Variants in SUMF1 observed in about 807,000 individuals in gnomAD.
SUMF1 encodes the protein sulfatase modifying factor 1.
A neutral mutation model predicts 47.6 loss-of-function variants in SUMF1; 48 were observed. That is an observed-to-expected ratio of 1.01 (90% CI 0.80 to 1.28). The LOEUF (loss-of-function observed/expected upper bound fraction) is 1.28, where lower values mean the gene tolerates loss of function less well. SUMF1 is among the 50% of genes most tolerant of loss of function. SUMF1 has a pLI of 0.00. For synonymous variants in SUMF1, 230 were observed against 192.1 expected (o/e 1.20, Z -1.63); for missense variants, 571 against 485.4 (o/e 1.18, Z -1.66).
At chr3:4,179,993 G>C (rs1254778361) in intron 8 of SUMF1, among the ~76,000 whole-genome samples, 2 of 152,172 alleles carry the variant, frequency 1.3e-5, no homozygotes, top group African/African-American at 4.8e-5. Flanking sequence ...ACCACAATGA[G>C]ATACCATCTC....
intron 8 of SUMF1, among the ~76,000 whole-genome samples, chr3:4,228,077 G>A (rs2124979155): frequency 6.6e-6 from 1 of 152,102 alleles, no homozygotes; most frequent in Admixed American, 6.6e-5. Flanking sequence ...AAGCAGAAGG[G>A]GTGTGGTGGA....
intron 8 of SUMF1, chr3:4,313,784 A>G: frequency 6.2e-7 from 1 of 1,613,376 alleles, no homozygotes; most frequent in Non-Finnish European, 8.5e-7. Flanking sequence ...AGTGATAAGC[A>G]GCTTGCCCCT....
chr3:4,362,047 G>T lies in SUMF1; in HGVS notation c.*97C>A. On this transcript the variant is annotated 3_prime_UTR_variant, in exon 9 of 9. Transcript: ENST00000272902. ...GCAGGTATGTAACCCACCTCAGGGT[G>T]GGAATTCTTTGCATGGGATCGTTCA... is the stretch of plus-strand genomic sequence containing the variant. 1 of 1,225,990 alleles carries T rather than the reference G, an allele frequency of 8.2e-7. No individual in the cohort carries two copies. Among genetic ancestry groups the T allele is most frequent in the East Asian group, 2.4e-5 (1 of 41,206 alleles). The allele number at this position is 1,225,990 out of a possible 1,614,324, so 75.9% of individuals were successfully genotyped here.
At chr3:4,367,977 T>C (rs1229228459) in intron 8 of SUMF1, among the ~76,000 whole-genome samples, 3 of 151,926 alleles carry the variant, frequency 2.0e-5, no homozygotes. Context: ...AAAGCCAAAA[T>C]TGACAAATGG....
chr3:4,407,677 C>G (rs755206326), intron 7 of SUMF1, among the ~76,000 whole-genome samples: 41 of 152,166 alleles, frequency 2.7e-4, no homozygotes, highest in Admixed American at 2.0e-3. Flanking sequence ...TAGGACTTAA[C>G]CAGACCAGAT....
chr3:4,135,626 G>A (rs892244696), intron 8 of SUMF1, among the ~76,000 whole-genome samples: 2 of 152,128 alleles, frequency 1.3e-5, no homozygotes, highest in Admixed American at 6.5e-5. Context: ...TCTGGCCAGG[G>A]CCATCAGGCA....
intron 7 of SUMF1, among the ~76,000 whole-genome samples, chr3:4,408,471 A>C (rs549853450): frequency 6.6e-6 from 1 of 152,304 alleles, no homozygotes; most frequent in East Asian, 1.9e-4. Context: ...GAAAAAAAAG[A>C]TGTGGCTAGA....
intron 3 of SUMF1, 73 bp from the exon 4 acceptor site, chr3:4,420,219 C>T: frequency 8.6e-7 from 1 of 1,161,416 alleles, no homozygotes; most frequent in Non-Finnish European, 1.3e-6. Context: ...TCAGTACATG[C>T]AGCAAAAATC....
chr3:4,424,321 T>C (rs1701998798), intron 3 of SUMF1, among the ~76,000 whole-genome samples: 1 of 152,128 alleles, frequency 6.6e-6, no homozygotes, highest in Non-Finnish European at 1.5e-5. Flanking sequence ...AACTATTCTT[T>C]CTGAAATCTT....
intron 7 of SUMF1, 69 bp downstream of exon 7, chr3:4,410,796 C>T: frequency 7.2e-7 from 1 of 1,385,378 alleles, no homozygotes; most frequent in Non-Finnish European, 1.0e-6. Flanking sequence ...CACATGACAG[C>T]CTGGCTGCAG....
chr3:4,328,052 C>CA (rs149201513), intron 8 of SUMF1, among the ~76,000 whole-genome samples: 9,626 of 150,810 alleles, frequency 0.064, 520 homozygotes, highest in South Asian at 0.31. Context: ...CCTCCCTGTA[C>CA]AAAAAAAAAT....
chr3:4,325,409 A>G (rs1432434380), intron 8 of SUMF1, among the ~76,000 whole-genome samples: 1 of 152,118 alleles, frequency 6.6e-6, no homozygotes, highest in Non-Finnish European at 1.5e-5. Flanking sequence ...CAGAAAGAGA[A>G]AAGGGACCAA....
At chr3:4,300,210 C>G (rs1559208489) in intron 8 of SUMF1, among the ~76,000 whole-genome samples, 1 of 152,130 alleles carries the variant, frequency 6.6e-6, no homozygotes, top group Non-Finnish European at 1.5e-5. Context: ...TGCCCCAACC[C>G]CCACTCTCTC....
At chr3:4,284,621 T>C (rs1193515727) in intron 8 of SUMF1, among the ~76,000 whole-genome samples, 1 of 151,980 alleles carries the variant, frequency 6.6e-6, no homozygotes, top group South Asian at 2.1e-4. Flanking sequence ...TTTACTCCAG[T>C]GTGATATTTT....
At chr3:4,246,144 G>A (rs548765236) in intron 8 of SUMF1, among the ~76,000 whole-genome samples, 6 of 152,266 alleles carry the variant, frequency 3.9e-5, no homozygotes, top group African/African-American at 1.4e-4. Context: ...GAAGTGCACC[G>A]TTCCCCCAGT....
At chr3:4,269,000 AT>A (rs1697253983) in intron 8 of SUMF1, among the ~76,000 whole-genome samples, 1 of 152,144 alleles carries the variant, frequency 6.6e-6, no homozygotes, top group African/African-American at 2.4e-5. Context: ...TCTTAAACAT[AT>A]TTTTAAGTGT....
chr3:4,390,269 C>T (rs911115555), intron 7 of SUMF1, among the ~76,000 whole-genome samples: 1 of 152,130 alleles, frequency 6.6e-6, no homozygotes, highest in Non-Finnish European at 1.5e-5. Context: ...TGGTTGTATA[C>T]AGCAAGGTAG....
At chr3:4,388,779 A>G (rs1303824892) in intron 7 of SUMF1, among the ~76,000 whole-genome samples, 2 of 152,150 alleles carry the variant, frequency 1.3e-5, no homozygotes, top group East Asian at 1.9e-4. Flanking sequence ...ATTCATAAAC[A>G]TATCACTCTA....
intron 6 of SUMF1, among the ~76,000 whole-genome samples, chr3:4,415,439 C>T (rs116167854): frequency 0.011 from 1,724 of 150,864 alleles, 28 homozygotes; most frequent in African/African-American, 0.038. Context: ...AATAATTCAA[C>T]CATATATCTG....
Sources: gnomAD v4.1 joint callset for allele counts (sites outside exome capture counted in the v4.1 genomes callset) on GRCh38, gnomAD v4.1.1 for gene constraint, MANE v1.5 for transcripts, NCBI Gene and HGNC (gene_info 2026-07-23, HGNC 2026-07-21) for gene names.